Variants in RBFOX1 observed in about 807,000 individuals in gnomAD.
The protein encoded by RBFOX1 is RNA binding fox-1 homolog 1.
In RBFOX1, 8 loss-of-function variants were observed where a neutral mutation model predicts 57.7. The ratio of observed to expected loss-of-function variants is 0.14; its 90% CI spans 0.08 to 0.25. The LOEUF (loss-of-function observed/expected upper bound fraction) is 0.25, where lower values mean the gene tolerates loss of function less well. RBFOX1 is among the 10% of genes least tolerant of loss of function. RBFOX1 has a pLI of 1.00. For synonymous variants in RBFOX1, 326 were observed against 222.4 expected, an observed-to-expected ratio of 1.47 and a Z score of -4.15; for missense variants, 611 against 548.5, an observed-to-expected ratio of 1.11 and a Z score of -1.14.
At chr16:6,955,878 G>C (rs1445635230) in intron 3 of RBFOX1, among the ~76,000 whole-genome samples, 2 of 151,834 alleles carry the variant, frequency 1.3e-5, no homozygotes, top group Non-Finnish European at 2.9e-5. Flanking sequence ...GCTAAATTTT[G>C]TAATTTTAGT....
Position 6,019,630 on chromosome 16 carries a change from C to T in RBFOX1, c.-489C>T. Reference sequence around the variant, plus strand: ...GTGAGCCGAGCCGAGCACCCCACATCTGGAGGGGACAGCCAGCCGTGGGCC... The same window carrying T: ...GTGAGCCGAGCCGAGCACCCCACATTTGGAGGGGACAGCCAGCCGTGGGCC... On this transcript the variant is annotated 5_prime_UTR_variant, in exon 1 of 16. Transcript: ENST00000550418. The surrounding 1 kb of genome is among the most constrained non-coding windows in gnomAD (Gnocchi z 4.2). 2 of 1,283,952 alleles carry T rather than the reference C, an allele frequency of 1.6e-6. No individual in the cohort carries two copies. The highest frequency in any genetic ancestry group is 2.0e-6 in the Non-Finnish European group (2 of 1,015,212). The allele number at this position is 1,283,952 out of a possible 1,614,324, so 79.5% of individuals were successfully genotyped here.
intron 3 of RBFOX1, among the ~76,000 whole-genome samples, chr16:6,968,475 A>C (rs2084788448): frequency 6.6e-6 from 1 of 152,134 alleles, no homozygotes; most frequent in African/African-American, 2.4e-5. Flanking sequence ...CGAAAAACTG[A>C]GGCTTCTCCC....
intron 2 of RBFOX1, among the ~76,000 whole-genome samples, chr16:6,343,198 C>G (rs1014722444): frequency 3.3e-5 from 5 of 152,116 alleles, no homozygotes; most frequent in Admixed American, 6.5e-5. Flanking sequence ...GGAAAAATGG[C>G]TTTTCATTCT....
chr16:6,353,567 A>G (rs1055199704), intron 2 of RBFOX1, among the ~76,000 whole-genome samples: 1 of 152,094 alleles, frequency 6.6e-6, no homozygotes, highest in Non-Finnish European at 1.5e-5. Flanking sequence ...GCCAGGTAGG[A>G]TGGGTCCTTA....
At chr16:6,132,019 A>G (rs778683480) in intron 1 of RBFOX1, among the ~76,000 whole-genome samples, 1 of 152,212 alleles carries the variant, frequency 6.6e-6, no homozygotes, top group Non-Finnish European at 1.5e-5. Flanking sequence ...TTAGGAGCAT[A>G]TATTGTTTAG....
At chr16:5,808,601 G>C (rs897537619) in intron 3 of RBFOX1, among the ~76,000 whole-genome samples, 6 of 152,174 alleles carry the variant, frequency 3.9e-5, no homozygotes, top group African/African-American at 1.4e-4. Context: ...TCATTGAGCA[G>C]TGGTTTATAG....
At chr16:7,413,010 C>T (rs1356408785) in intron 4 of RBFOX1, among the ~76,000 whole-genome samples, 2 of 151,790 alleles carry the variant, frequency 1.3e-5, no homozygotes, top group Non-Finnish European at 2.9e-5. Context: ...CCACTGCACT[C>T]CAGCCCGGGC....
At chr16:6,295,144 T>C (rs989795316) in intron 1 of RBFOX1, among the ~76,000 whole-genome samples, 1 of 139,552 alleles carries the variant, frequency 7.2e-6, no homozygotes, top group Admixed American at 7.8e-5. Context: ...GGTATCTCTC[T>C]GTCGGAGTCT....
At chr16:5,697,232 T>A (rs959923346) in intron 3 of RBFOX1, among the ~76,000 whole-genome samples, 5 of 152,098 alleles carry the variant, frequency 3.3e-5, no homozygotes, top group African/African-American at 9.7e-5. Flanking sequence ...TCTTCTTAGA[T>A]GTTCTATTAA....
chr16:5,752,615 T>G (rs77596029), intron 3 of RBFOX1, among the ~76,000 whole-genome samples: 1,666 of 152,112 alleles, frequency 0.011, 40 homozygotes, highest in African/African-American at 0.038. Context: ...CACCCCAAAT[T>G]GAAGATAAAC....
At chr16:7,155,956 G>A (rs2077028763) in intron 4 of RBFOX1, among the ~76,000 whole-genome samples, 1 of 151,058 alleles carries the variant, frequency 6.6e-6, no homozygotes, top group Admixed American at 6.6e-5. Context: ...TATTTTTCCA[G>A]GAGCCAAAAT....
rs571185830 is a variant in RBFOX1 at position 6,802,492 on chromosome 16, T to G, written c.-16+147842T>G. Among the ~76,000 whole-genome samples the G allele has an allele frequency of 3.3e-5, 5 of 152,180 alleles. No individual in the cohort carries two copies. The South Asian group carries it at 1.0e-3, about 32-fold the overall frequency. ...AGGAGTTTGAGACCAGCCTGACCAA[T>G]TTGGCAAAACCCTGTCTCTACTTAA... On this transcript the variant is annotated intron_variant, in intron 3 of 15. Transcript: ENST00000550418.
At chr16:5,730,187 C>G (rs2052312705) in intron 3 of RBFOX1, among the ~76,000 whole-genome samples, 2 of 152,184 alleles carry the variant, frequency 1.3e-5, no homozygotes, top group South Asian at 4.1e-4. Context: ...TTAGCCAGAT[C>G]ACCAGCCTAC....
At chr16:6,275,548 G>A (rs932041820) in intron 1 of RBFOX1, among the ~76,000 whole-genome samples, 1 of 152,140 alleles carries the variant, frequency 6.6e-6, no homozygotes, top group Admixed American at 6.6e-5. Context: ...ATGGTATGTT[G>A]TTGTGTTTGA....
intron 5 of RBFOX1, among the ~76,000 whole-genome samples, chr16:7,531,437 A>G (rs1257496075): frequency 6.6e-6 from 1 of 152,174 alleles, no homozygotes. Context: ...GGCAGGGACT[A>G]TAATTAACCC....
intron 1 of RBFOX1, among the ~76,000 whole-genome samples, chr16:5,401,136 A>G (rs1442958327): frequency 6.6e-6 from 1 of 152,146 alleles, no homozygotes; most frequent in East Asian, 1.9e-4. Context: ...GTTTGTGCTT[A>G]GAAGAGCCTT....
In RBFOX1 at chr16:7,518,362, C is replaced by G; in HGVS notation, c.243C>G (p.Ser81Arg). Reference sequence around the variant, plus strand: ...CCGAGCAGAGCCCGGCGGACACGAGCGCTCAGACCGTCTCTGGCACCGCCA... The same window carrying G: ...CCGAGCAGAGCCCGGCGGACACGAGGGCTCAGACCGTCTCTGGCACCGCCA... The part of the protein sequence containing the change: ...THSEQSPADT[S>R]AQTVSGTATQ... Residue 81 changes from serine to arginine, a missense_variant, in exon 5 of 16, where the codon AGC (serine) becomes AGG (arginine). Around this residue, in one of 3 missense-constraint regions of RBFOX1, gnomAD observed 245 missense variants for 159.1 expected, o/e 1.54. Transcript: ENST00000550418. 2 of 1,612,234 alleles carry G rather than the reference C, an allele frequency of 1.2e-6. No homozygotes were observed. The highest frequency in any genetic ancestry group is 8.5e-7 in the Non-Finnish European group (1 of 1,178,798).
intron 3 of RBFOX1, among the ~76,000 whole-genome samples, chr16:5,810,656 A>G (rs2055389843): frequency 6.6e-6 from 1 of 152,152 alleles, no homozygotes; most frequent in South Asian, 2.1e-4. Flanking sequence ...CCACTTCCCC[A>G]TCTGCACAAT....
chr16:5,962,357 C>G (rs1415587499), intron 4 of RBFOX1, among the ~76,000 whole-genome samples: 5 of 152,200 alleles, frequency 3.3e-5, no homozygotes, highest in Admixed American at 3.3e-4. Flanking sequence ...TTGAACTATG[C>G]TTTGTCATCC....
Sources: gnomAD v4.1 joint callset for allele counts (sites outside exome capture counted in the v4.1 genomes callset) on GRCh38, gnomAD v4.1.1 for gene constraint, gnomAD v4.1.1 regional missense constraint, Gnocchi (gnomAD v3.1) non-coding constraint, MANE v1.5 for transcripts, NCBI Gene and HGNC (gene_info 2026-07-23, HGNC 2026-07-21) for gene names.